Variants in PCDHGB5 observed in about 807,000 individuals in gnomAD.
PCDHGB5 encodes protocadherin gamma-B5.
PCDHGB5 carries 48 observed loss-of-function variants against 62.9 expected under a neutral mutation model. The observed-to-expected ratio is 0.76, with a 90% CI of 0.61 to 0.97. The LOEUF (loss-of-function observed/expected upper bound fraction) is 0.97. PCDHGB5 is among the 50% of genes least tolerant of loss of function. The probability of loss-of-function intolerance (pLI) is 0.00; values close to 1 mark genes in which losing one functional copy is unlikely to be tolerated. For missense variants in PCDHGB5, 1,118 were observed against 1,198.6 expected, an observed-to-expected ratio of 0.93 and a Z score of 0.99; for synonymous variants, 474 against 511.2, an observed-to-expected ratio of 0.93 and a Z score of 0.98.
intron 1 of PCDHGB5, chr5:141,413,935 A>G: frequency 1.2e-6 from 2 of 1,613,372 alleles, no homozygotes; most frequent in Non-Finnish European, 1.7e-6. Flanking sequence ...ATACCGAGTG[A>G]GTGTTCCTGA....
At chr5:141,413,605 G>A in intron 1 of PCDHGB5, 1 of 1,613,854 alleles carries the variant, frequency 6.2e-7, no homozygotes, top group Non-Finnish European at 8.5e-7. Flanking sequence ...AAATCTAGAC[G>A]TAAAAATTAA....
At chr5:141,422,280 C>G (rs748287385) in intron 1 of PCDHGB5, 9 of 1,557,754 alleles carry the variant, frequency 5.8e-6, no homozygotes, top group Non-Finnish European at 7.8e-6. Flanking sequence ...TAACTATCAC[C>G]TCTTCTATTA....
chr5:141,418,649 G>A (rs760169796), intron 1 of PCDHGB5: 3 of 1,613,926 alleles, frequency 1.9e-6, no homozygotes, highest in Non-Finnish European at 2.5e-6. Flanking sequence ...CATCCTGAGA[G>A]TGAAGGCCAC....
At chr5:141,434,683 T>A (rs1057301534) in intron 1 of PCDHGB5, among the ~76,000 whole-genome samples, 8 of 152,248 alleles carry the variant, frequency 5.3e-5, no homozygotes, top group Non-Finnish European at 5.9e-5. Flanking sequence ...AATGACTGGC[T>A]TGCTGTTAAT....
In PCDHGB5 at chr5:141,399,942, G is replaced by A. The variant is rs780939486; in HGVS notation, c.1815G>A (p.Leu605=). 7.4e-6 allele frequency: 12 copies of A among 1,612,140 alleles called. No homozygotes were observed. The highest frequency in any genetic ancestry group is 1.9e-4 in the Middle Eastern group (1 of 5,216). ...ACGCCTGGCTGTCCTACCACGTGCT[G>A]CAGGCTAGCGAGCCCGGGCTCTTCA... is the stretch of plus-strand genomic sequence containing the variant. ...GHNAWLSYHV[L]QASEPGLFSL... The change falls in exon 1 of 4, where the codon CTG becomes CTA. Residue 605 remains leucine (L), a synonymous_variant. Coordinates refer to ENST00000617380, the MANE Select transcript of PCDHGB5 (RefSeq NM_018925.3).
chr5:141,464,053 T>C (rs111614367), intron 1 of PCDHGB5, among the ~76,000 whole-genome samples: 9,857 of 152,054 alleles, frequency 0.065, 668 homozygotes, highest in African/African-American at 0.17. Flanking sequence ...TCACCTGAGG[T>C]CAGGAGTTCA....
At chr5:141,450,006 C>CTT (rs1554136305) in intron 1 of PCDHGB5, among the ~76,000 whole-genome samples, 6 of 132,984 alleles carry the variant, frequency 4.5e-5, no homozygotes, top group East Asian at 2.2e-4. Flanking sequence ...TGCCATGTCT[C>CTT]TTTTTTTTTT....
intron 1 of PCDHGB5, chr5:141,415,030 G>A (rs374572942): frequency 1.2e-6 from 2 of 1,613,460 alleles, no homozygotes; most frequent in African/African-American, 2.7e-5. Flanking sequence ...CAGCGAGCCG[G>A]GACTCTTCGC....
intron 1 of PCDHGB5, chr5:141,415,357 C>T: frequency 6.2e-7 from 1 of 1,614,250 alleles, no homozygotes; most frequent in Non-Finnish European, 8.5e-7. Context: ...CAAGTCACGC[C>T]TGCTGCAGGC....
rs1186225096 is a variant in PCDHGB5, at chr5:141,490,605, C to G, written c.2398-4202C>G. The G allele has an allele frequency of 1.1e-5, 18 of 1,614,198 alleles. No homozygotes were observed. Among genetic ancestry groups the G allele is most frequent in the Non-Finnish European group, 1.5e-5 (18 of 1,180,030 alleles). On this transcript the variant is annotated intron_variant, in intron 1 of 3. Transcript: ENST00000617380. The surrounding 1 kb of genome is among the most constrained non-coding windows in gnomAD (Gnocchi z 5.4). ...TCAATGACAATGCACCCCGCTTCAACCAGCAGCTTTACACTGCTTACATCC... is the reference window on the plus strand; with the variant it reads ...TCAATGACAATGCACCCCGCTTCAAGCAGCAGCTTTACACTGCTTACATCC...
At position 141,400,548 on chromosome 5, in the gene PCDHGB5, T is replaced by G. The variant is rs551157559; in HGVS notation, c.2397+24T>G. On this transcript the variant is annotated intron_variant, in intron 1 of 3. Transcript: ENST00000617380. ...TGGTGAGTTTCATTTATGTCTATTC[T>G]TTTTCATTACCCACCCAATTTTCTG... is the stretch of plus-strand genomic sequence containing the variant. 3.3e-4 allele frequency: 529 copies of G among 1,613,654 alleles called. 1 individual carries two copies. In the South Asian group the frequency reaches 4.9e-3, roughly 15 times the overall value.
chr5:141,427,023 G>A, intron 1 of PCDHGB5: 1 of 456,968 alleles, frequency 2.2e-6, no homozygotes, highest in Non-Finnish European at 4.4e-6. Flanking sequence ...TGTATACAAA[G>A]TCAGCCTTAG....
At chr5:141,494,763 C>T in intron 1 of PCDHGB5, 44 bp from the exon 2 acceptor site, 4 of 1,613,926 alleles carry the variant, frequency 2.5e-6, no homozygotes, top group Admixed American at 1.7e-5. Context: ...GACATTCTAA[C>T]TTCTCACGGG....
chr5:141,449,592 A>C (rs1344646010), intron 1 of PCDHGB5, among the ~76,000 whole-genome samples: 1 of 150,266 alleles, frequency 6.7e-6, no homozygotes, highest in African/African-American at 2.4e-5. Context: ...CTGTCTCAAA[A>C]AAAAAAAAAA....
Position 141,489,897 on chromosome 5 carries a change from C to G in PCDHGB5, c.2398-4910C>G. ...TGCTTACTGCTGTGGATGGGGGGAC[C>G]CCAGCCCGCTCAGGGACCACCCTTA... is the stretch of plus-strand genomic sequence containing the variant. On this transcript the variant is annotated intron_variant, in intron 1 of 3. Transcript: ENST00000617380. This position sits in a 1 kb window ranked among gnomAD's most constrained non-coding sequence, Gnocchi z 4.5. 1 of 1,614,162 alleles carries G rather than the reference C, an allele frequency of 6.2e-7. No individual in the cohort carries two copies. Among genetic ancestry groups the G allele is most frequent in the Non-Finnish European group, 8.5e-7 (1 of 1,180,016 alleles).
At chr5:141,419,465 G>C (rs568864628) in intron 1 of PCDHGB5, 77 of 1,612,426 alleles carry the variant, frequency 4.8e-5, no homozygotes, top group Non-Finnish European at 6.4e-5. Context: ...GCAGGCCCGC[G>C]ACCAGGGCTC....
chr5:141,431,450 A>T lies in PCDHGB5; in HGVS notation c.2397+30926A>T, dbSNP rs1468567743. 1 of 1,613,740 alleles carries T rather than the reference A, an allele frequency of 6.2e-7. No homozygotes were observed. Among genetic ancestry groups the T allele is most frequent in the Admixed American group, 1.7e-5 (1 of 60,032 alleles). ...CACAGGCACCGCGCGCATCCGCGTG[A>T]TGGTTCTGGATGCGAACGACAACGC... On this transcript the variant is annotated intron_variant, in intron 1 of 3. Transcript: ENST00000617380. This position sits in a 1 kb window ranked among gnomAD's most constrained non-coding sequence, Gnocchi z 4.8.
chr5:141,420,438 GC>G, intron 1 of PCDHGB5: 1 of 1,107,996 alleles, frequency 9.0e-7, no homozygotes, highest in Non-Finnish European at 1.2e-6. Flanking sequence ...TAAATTAAAT[GC>G]CTCAGTCTTC....
At chr5:141,423,277 A>G (rs749771302) in intron 1 of PCDHGB5, 4 of 1,613,988 alleles carry the variant, frequency 2.5e-6, no homozygotes, top group Non-Finnish European at 8.5e-7. Flanking sequence ...GTCTCTGGCT[A>G]ACTCTGAAAC....
Sources: gnomAD v4.1 joint callset for allele counts (sites outside exome capture counted in the v4.1 genomes callset) on GRCh38, gnomAD v4.1.1 for gene constraint, Gnocchi (gnomAD v3.1) non-coding constraint, MANE v1.5 for transcripts, NCBI Gene and HGNC (gene_info 2026-07-23, HGNC 2026-07-21) for gene names.